Variants in ASAP3 observed in about 807,000 individuals in gnomAD.
ASAP3 encodes the protein ArfGAP with SH3 domain, ankyrin repeat and PH domain 3.
A neutral mutation model predicts 118.2 loss-of-function variants in ASAP3; 85 were observed. The ratio of observed to expected loss-of-function variants is 0.72; its 90% CI spans 0.60 to 0.86. The LOEUF (loss-of-function observed/expected upper bound fraction) is 0.86, where lower values mean the gene tolerates loss of function less well. ASAP3 is among the 40% of genes least tolerant of loss of function. ASAP3 has a pLI of 0.00. For synonymous variants in ASAP3, 432 were observed against 477.4 expected, an observed-to-expected ratio of 0.90 and a Z score of 1.24; for missense variants, 1,026 against 1,175.0, an observed-to-expected ratio of 0.87 and a Z score of 1.85.
At chr1:23,481,442 T>A (rs1452467351) in intron 1 of ASAP3, among the ~76,000 whole-genome samples, 4 of 152,196 alleles carry the variant, frequency 2.6e-5, no homozygotes, top group Non-Finnish European at 4.4e-5. Flanking sequence ...CACAATATAA[T>A]CGCAAAATAT....
chr1:23,451,444 C>A (rs1641210652), intron 5 of ASAP3, 35 bp downstream of exon 5: 2 of 1,606,032 alleles, frequency 1.2e-6, no homozygotes, highest in Non-Finnish European at 1.7e-6. Flanking sequence ...AAGTGCTACT[C>A]TCCCAGACAA....
chr1:23,433,013 C>T, intron 22 of ASAP3, 64 bp downstream of exon 22: 1 of 1,587,984 alleles, frequency 6.3e-7, no homozygotes. Context: ...CAGCTCAGTG[C>T]CCCAGCATAT....
rs1640328271 is a variant in ASAP3 at position 23,428,964 on chromosome 1, A to G, written c.*892T>C. The G allele has an allele frequency of 6.5e-6, 1 of 154,836 alleles. No individual in the cohort carries two copies. The highest frequency in any genetic ancestry group is 1.5e-5 in the Non-Finnish European group (1 of 68,220). 9.6% of individuals were successfully genotyped at this position (154,836 alleles called of 1,614,324 possible). ...CTTTGCCTCTCCATTCCCTCAGACTAAAAGGCTCCTGAGTTGACCAAGAGA... is the reference window on the plus strand; with the variant it reads ...CTTTGCCTCTCCATTCCCTCAGACTGAAAGGCTCCTGAGTTGACCAAGAGA... On this transcript the variant is annotated 3_prime_UTR_variant, in exon 25 of 25. Coordinates refer to ENST00000336689, the MANE Select transcript of ASAP3 (RefSeq NM_017707.4).
intron 11 of ASAP3, 32 bp downstream of exon 11, chr1:23,439,129 G>A (rs1177033516): frequency 4.4e-6 from 7 of 1,608,970 alleles, no homozygotes; most frequent in Non-Finnish European, 6.0e-6. Context: ...GGTCCATCGT[G>A]CCCTGAGACT....
intron 1 of ASAP3, among the ~76,000 whole-genome samples, chr1:23,476,044 C>T (rs2742957): frequency 0.066 from 10,092 of 152,100 alleles, 1,070 homozygotes; most frequent in African/African-American, 0.22. Flanking sequence ...GTATATGGCA[C>T]CCTTCCATCA....
At chr1:23,460,550 C>CAAATAAAT (rs1027201310) in intron 1 of ASAP3, among the ~76,000 whole-genome samples, 94 of 145,650 alleles carry the variant, frequency 6.5e-4, no homozygotes, top group African/African-American at 2.3e-3. Flanking sequence ...CACACACACA[C>CAAATAAAT]AAATAAATAA....
intron 1 of ASAP3, among the ~76,000 whole-genome samples, chr1:23,464,659 T>TAAAAAAAA (rs57655847): frequency 1.3e-4 from 6 of 47,096 alleles, no homozygotes; most frequent in African/African-American, 6.1e-4. Flanking sequence ...GACACTGTCT[T>TAAAAAAAA]AAAAAAAAAA....
rs935024627 is a variant in ASAP3 at position 23,436,281 on chromosome 1, A to G, written c.1572-253T>C. Among the ~76,000 whole-genome samples, 15 of 152,006 alleles carry G rather than the reference A, an allele frequency of 9.9e-5. No individual in the cohort carries two copies. Among genetic ancestry groups the G allele is most frequent in the Non-Finnish European group, 1.9e-4 (13 of 68,026 alleles). ...GGGTTCAAGCAATTCTAGTGCCTCA[A>G]CCTCCTGAGTAGCTGGAATTACAGG... On this transcript the variant is annotated intron_variant, in intron 16 of 24. Transcript: ENST00000336689. This position sits in a 1 kb window ranked among gnomAD's most constrained non-coding sequence, Gnocchi z 4.2.
Position 23,455,871 on chromosome 1 carries a change from G to C in ASAP3, c.348+10C>G. ...CCTGAGTCTGGGCAAGGAAGAGACA[G>C]GGGCCTCACCAGGTTCTTGAAGAGC... On this transcript the variant is annotated intron_variant, in intron 3 of 24. Transcript: ENST00000336689. 4 of 1,614,018 alleles carry C rather than the reference G, an allele frequency of 2.5e-6. No homozygotes were observed. The highest frequency in any genetic ancestry group is 3.4e-6 in the Non-Finnish European group (4 of 1,179,994).
At chr1:23,434,689 G>T (rs1345401614) in intron 17 of ASAP3, 71 bp from the exon 18 acceptor site, 15 of 1,453,234 alleles carry the variant, frequency 1.0e-5, no homozygotes, top group Non-Finnish European at 6.6e-6. Context: ...TTTCCCTCTT[G>T]AACTCTTGCT....
intron 1 of ASAP3, among the ~76,000 whole-genome samples, chr1:23,467,152 C>T (rs1008119109): frequency 6.6e-6 from 1 of 151,648 alleles, no homozygotes; most frequent in Non-Finnish European, 1.5e-5. Flanking sequence ...GCGTGAGCCA[C>T]CTCACCCGGC....
In ASAP3 at chr1:23,455,907, C is replaced by T. The variant is rs141822254; in HGVS notation, c.322G>A (p.Glu108Lys). 159 of 1,614,028 alleles carry T rather than the reference C, an allele frequency of 9.9e-5. No individual in the cohort carries two copies. Among genetic ancestry groups the T allele is most frequent in the Admixed American group, 1.7e-4 (10 of 59,998 alleles). The change falls in exon 3 of 25, where the codon GAG becomes AAG. Residue 108 changes from glutamate to lysine, a missense_variant. Transcript: ENST00000336689. ...GFLNLAVFTR[E>K]VAALFKNLIQ... ...AGGTTCTTGAAGAGCGCAGCAACCT[C>T]GCGGGTGAACACGGCCAAGTTTAGG...
chr1:23,484,042 A>T lies in ASAP3; in HGVS notation c.92T>A (p.Met31Lys), dbSNP rs527492071. 2 of 1,336,470 alleles carry T rather than the reference A, an allele frequency of 1.5e-6. No individual in the cohort carries two copies. Among genetic ancestry groups the T allele is most frequent in the East Asian group, 3.1e-5 (1 of 32,418 alleles). 82.8% of individuals were successfully genotyped at this position (1,336,470 alleles called of 1,614,324 possible). Residue 31 changes from methionine to lysine, a missense_variant, in exon 1 of 25, where the codon ATG becomes AAG. Physicochemically the swap from Met to Lys is moderately conservative, Grantham distance 95 (BLOSUM62 -1). Transcript: ENST00000336689. Reference protein sequence around the residue: ...PAGAAAFAAKMPRYRGAALAR... With the variant: ...PAGAAAFAAKKPRYRGAALAR... ...CAGCGCCGCCCCTCGGTACCGGGGCATCTTGGCGGCGAAGGCGGCGGCCCC... is the reference window on the plus strand; with the variant it reads ...CAGCGCCGCCCCTCGGTACCGGGGCTTCTTGGCGGCGAAGGCGGCGGCCCC...
chr1:23,468,119 A>G (rs1475431708), intron 1 of ASAP3, among the ~76,000 whole-genome samples: 1 of 152,184 alleles, frequency 6.6e-6, no homozygotes, highest in Non-Finnish European at 1.5e-5. Context: ...GAGGCACAGA[A>G]CAGTGAAGAT....
chr1:23,429,983 G>T, intron 24 of ASAP3, 53 bp from the exon 25 acceptor site: 2 of 1,451,668 alleles, frequency 1.4e-6, no homozygotes, highest in Non-Finnish European at 1.9e-6. Flanking sequence ...AACATACCAG[G>T]TGTTCATCTC....
rs1476127680 is a variant in ASAP3, at chr1:23,441,649, A to G, written c.747+6T>C. On this transcript the variant is annotated splice_donor_region_variant and intron_variant, in intron 8 of 24. Transcript: ENST00000336689. ...ATCACGTGCCCAAGGGTGAGACCCA[A>G]CTTACTGCATGTACTGAGGCCGCCA... 4 of 1,614,044 alleles carry G rather than the reference A, an allele frequency of 2.5e-6. No homozygotes were observed. Among genetic ancestry groups the G allele is most frequent in the Non-Finnish European group, 2.5e-6 (3 of 1,180,022 alleles).
chr1:23,436,476 G>T lies in ASAP3; in HGVS notation c.1571+84C>A. 2 of 1,500,890 alleles carry T rather than the reference G, an allele frequency of 1.3e-6. No individual in the cohort carries two copies. The highest frequency in any genetic ancestry group is 1.1e-5 in the South Asian group (1 of 87,294). The allele number at this position is 1,500,890 out of a possible 1,614,324, so 93.0% of individuals were successfully genotyped here. On this transcript the variant is annotated intron_variant, in intron 16 of 24. Coordinates refer to ENST00000336689, the MANE Select transcript of ASAP3 (RefSeq NM_017707.4). This position sits in a 1 kb window ranked among gnomAD's most constrained non-coding sequence, Gnocchi z 4.2. Reference sequence around the variant, plus strand: ...CTGCGCCCAGCCTCCCCAGACTTCTGATCCAAGACTTTTCTACGACCCTGG... The same window carrying T: ...CTGCGCCCAGCCTCCCCAGACTTCTTATCCAAGACTTTTCTACGACCCTGG...
chr1:23,461,668 C>A (rs926138333), intron 1 of ASAP3, among the ~76,000 whole-genome samples: 1 of 147,054 alleles, frequency 6.8e-6, no homozygotes, highest in East Asian at 2.0e-4. Context: ...CTCAAACGCA[C>A]CCCCCCACAA....
intron 10 of ASAP3, 28 bp from the exon 11 acceptor site, chr1:23,439,258 T>G: frequency 6.2e-7 from 1 of 1,611,172 alleles, no homozygotes. Context: ...AGAAGGACAG[T>G]GACCCAAGGC....
Sources: allele counts gnomAD v4.1 joint callset (sites outside exome capture counted in the v4.1 genomes callset), GRCh38; gene constraint gnomAD v4.1.1; non-coding constraint Gnocchi (gnomAD v3.1); transcripts MANE v1.5; gene names NCBI Gene and HGNC (gene_info 2026-07-23, HGNC 2026-07-21).